BANP: variants seen among roughly 807,000 people sequenced by gnomAD.
The protein encoded by BANP is protein BANP.
A neutral mutation model predicts 68.1 loss-of-function variants in BANP; 11 were observed. The observed-to-expected ratio is 0.16, with a 90% CI of 0.10 to 0.27. BANP has a LOEUF of 0.27. Among genes scored for constraint, BANP ranks in the 10% least tolerant of loss-of-function variants. BANP has a pLI of 1.00. For synonymous variants in BANP, 329 were observed against 303.2 expected (o/e 1.09, Z -0.88); for missense variants, 504 against 722.7 (o/e 0.70, Z 3.47).
chr16:88,004,244 ATGT>A lies in BANP; in HGVS notation c.363-43_363-41del, dbSNP rs1340139650. The A allele has an allele frequency of 2.8e-6, 3 of 1,087,316 alleles. No homozygotes were observed. The highest frequency in any genetic ancestry group is 1.6e-5 in the African/African-American group (1 of 64,038). 67.4% of individuals were successfully genotyped at this position (1,087,316 alleles called of 1,614,324 possible). A position where few individuals can be genotyped will look rare whatever the true frequency, so the allele number is the denominator to read the frequency against. ...TGACTCTTATGTGCTCTTACCATGA[ATGT>A]TGTTGTTTTAAGGCCTTCTTTTTCT... On this transcript the variant is annotated intron_variant, in intron 4 of 13. Coordinates refer to ENST00000682872, the MANE Select transcript of BANP (RefSeq NM_001386991.1). The surrounding 1 kb of genome is among the most constrained non-coding windows in gnomAD (Gnocchi z 7.0).
At chr16:88,028,893 T>C (rs2077529025) in intron 8 of BANP, among the ~76,000 whole-genome samples, 1 of 152,238 alleles carries the variant, frequency 6.6e-6, no homozygotes, top group Non-Finnish European at 1.5e-5. Context: ...GTGTGATCAT[T>C]TTTACAGTGC....
At position 88,027,545 on chromosome 16, in the gene BANP, G is replaced by A; in HGVS notation, c.958G>A (p.Asp320Asn). 2 of 1,613,864 alleles carry A rather than the reference G, an allele frequency of 1.2e-6. No homozygotes were observed. The highest frequency in any genetic ancestry group is 1.7e-6 in the Non-Finnish European group (2 of 1,179,886). Residue 320 changes from aspartate (D) to asparagine (N), a missense_variant, in exon 8 of 14, where the codon GAC becomes AAC. Physicochemically the swap from Asp to Asn is conservative, Grantham distance 23 (BLOSUM62 1). Coordinates refer to ENST00000682872, the MANE Select transcript of BANP (RefSeq NM_001386991.1). ...SDWYRIKQSIDSKCRTAWRRK... is the reference protein window; with the variant it reads ...SDWYRIKQSINSKCRTAWRRK... Reference sequence around the variant, plus strand: ...CTGGTACCGAATCAAGCAGAGCATCGACTCCAAGTGCCGCACGGCGTGGCG... The same window carrying A: ...CTGGTACCGAATCAAGCAGAGCATCAACTCCAAGTGCCGCACGGCGTGGCG...
chr16:87,949,449 T>G (rs7200729), upstream of BANP: 138,057 of 152,238 alleles, frequency 0.91, 62,878 homozygotes, highest in African/African-American at 0.98. Context: ...ATATTCTGTG[T>G]CAGCTATCGC....
intron 13 of BANP, among the ~76,000 whole-genome samples, chr16:88,076,267 A>G (rs965363633): frequency 6.6e-6 from 1 of 152,184 alleles, no homozygotes; most frequent in African/African-American, 2.4e-5. Context: ...CTTCCAGGTT[A>G]CTTCCCAGTG....
chr16:87,956,839 C>T (rs1311718253), intron 1 of BANP: 1 of 152,218 alleles, frequency 6.6e-6, no homozygotes, highest in Non-Finnish European at 1.5e-5. Flanking sequence ...TAGAGAAACA[C>T]TCTCCGCCAC....
intron 1 of BANP, among the ~76,000 whole-genome samples, chr16:87,961,031 C>T (rs564391948): frequency 6.6e-6 from 1 of 152,210 alleles, no homozygotes; most frequent in South Asian, 2.1e-4. Flanking sequence ...ACAACATTTG[C>T]AAGAGCTGCC....
chr16:88,018,839 A>G lies in BANP; in HGVS notation c.895+172A>G, dbSNP rs562197897. Among the ~76,000 whole-genome samples the G allele has an allele frequency of 1.7e-4, 26 of 152,228 alleles. No homozygotes were observed. The highest frequency in any genetic ancestry group is 5.8e-4 in the African/African-American group (24 of 41,538). On this transcript the variant is annotated intron_variant, in intron 7 of 13. Transcript: ENST00000682872. This position sits in a 1 kb window ranked among gnomAD's most constrained non-coding sequence, Gnocchi z 7.7. ...GCTCGAGGGGATGGATGAGCTGTTG[A>G]CCCTGATGTGCTTATTACGCACGGC...
intron 4 of BANP, among the ~76,000 whole-genome samples, chr16:87,998,483 A>G (rs1445004673): frequency 4.6e-5 from 7 of 152,176 alleles, no homozygotes; most frequent in Admixed American, 4.6e-4. Context: ...TGTGCCGTGA[A>G]GGTGCTGCCG....
intron 2 of BANP, among the ~76,000 whole-genome samples, chr16:87,977,928 T>G (rs1256488127): frequency 6.6e-6 from 1 of 152,158 alleles, no homozygotes; most frequent in Non-Finnish European, 1.5e-5. Context: ...CTTTGTCTCC[T>G]GGATTCAAGC....
chr16:88,059,164 G>A (rs1034324397), intron 11 of BANP, among the ~76,000 whole-genome samples: 2 of 143,900 alleles, frequency 1.4e-5, no homozygotes, highest in Admixed American at 1.4e-4. Flanking sequence ...GGTGTGCTGT[G>A]GTCCATGCTC....
chr16:87,950,516 C>T (rs1219672042), upstream of BANP: 1 of 151,970 alleles, frequency 6.6e-6, no homozygotes, highest in African/African-American at 2.4e-5. Context: ...CTCACTGCAA[C>T]CTCTGACTCG....
At chr16:88,045,306 A>G (rs904637720) in intron 11 of BANP, among the ~76,000 whole-genome samples, 1 of 152,176 alleles carries the variant, frequency 6.6e-6, no homozygotes, top group East Asian at 1.9e-4. Context: ...AGATGGCTCG[A>G]TGTTTGCCGC....
At chr16:87,997,972 G>A (rs2067764211) in intron 4 of BANP, among the ~76,000 whole-genome samples, 1 of 152,220 alleles carries the variant, frequency 6.6e-6, no homozygotes, top group Non-Finnish European at 1.5e-5. Flanking sequence ...CAGTGGATGA[G>A]AACATTCTAG....
chr16:88,005,651 C>T lies in BANP; in HGVS notation c.480-439C>T, dbSNP rs560866663. ...CGTGGGCGTACGTGGGAGTGCTGCT[C>T]GCATTGCGAGGGGGAGCCATCTCCA... On this transcript the variant is annotated intron_variant, in intron 5 of 13. Coordinates refer to ENST00000682872, the MANE Select transcript of BANP (RefSeq NM_001386991.1). Among the ~76,000 whole-genome samples the T allele has an allele frequency of 1.1e-4, 16 of 152,282 alleles. No homozygotes were observed. In the South Asian group the frequency reaches 3.1e-3, roughly 30 times the overall value.
chr16:87,966,312 G>T (rs1172031134), intron 1 of BANP, among the ~76,000 whole-genome samples: 1 of 152,128 alleles, frequency 6.6e-6, no homozygotes, highest in Non-Finnish European at 1.5e-5. Flanking sequence ...GACTTGGTAG[G>T]GTTCTGAATA....
chr16:88,065,438 C>A, intron 12 of BANP, 106 bp downstream of exon 12: 1 of 639,854 alleles, frequency 1.6e-6, no homozygotes, highest in South Asian at 1.9e-5. Flanking sequence ...CATCCAGGGT[C>A]ATCTCACCAC....
At chr16:88,027,690 C>T (rs377315567) in intron 8 of BANP, 40 bp downstream of exon 8, 101 of 1,608,884 alleles carry the variant, frequency 6.3e-5, no homozygotes, top group Non-Finnish European at 7.8e-5. Flanking sequence ...CTCCCCCGCT[C>T]GGGGCAGCTG....
At position 88,004,949 on chromosome 16, in the gene BANP, CA is replaced by C. The variant is rs1209201479; in HGVS notation, c.479+540del. Among the ~76,000 whole-genome samples the C allele has an allele frequency of 1.4e-4, 21 of 152,216 alleles. No individual in the cohort carries two copies. The highest frequency in any genetic ancestry group is 5.1e-4 in the African/African-American group (21 of 41,448). On this transcript the variant is annotated intron_variant, in intron 5 of 13. Transcript: ENST00000682872. The surrounding 1 kb of genome is among the most constrained non-coding windows in gnomAD (Gnocchi z 7.0). ...TGTGCAGTGGCCTCTGGCTGGCATC[CA>C]AGCCCTGCTGTCCCCAGGAGTGCCC...
Position 88,018,385 on chromosome 16 carries a change from A to C in BANP, c.656-43A>C, listed in dbSNP as rs775825045. The C allele has an allele frequency of 6.3e-7, 1 of 1,586,220 alleles. No individual in the cohort carries two copies. Among genetic ancestry groups the C allele is most frequent in the Non-Finnish European group, 8.6e-7 (1 of 1,164,936 alleles). On this transcript the variant is annotated intron_variant, in intron 6 of 13. Coordinates refer to ENST00000682872, the MANE Select transcript of BANP (RefSeq NM_001386991.1). This position sits in a 1 kb window ranked among gnomAD's most constrained non-coding sequence, Gnocchi z 7.7. Reference sequence around the variant, plus strand: ...GCTCTGCTGTCCTGAATGTGAGCTTATTTGAGCCTTGGCCATCTGAGGACC... The same window carrying C: ...GCTCTGCTGTCCTGAATGTGAGCTTCTTTGAGCCTTGGCCATCTGAGGACC...
Sources: gnomAD v4.1 joint callset for allele counts (sites outside exome capture counted in the v4.1 genomes callset) on GRCh38, gnomAD v4.1.1 for gene constraint, Gnocchi (gnomAD v3.1) non-coding constraint, MANE v1.5 for transcripts, NCBI Gene and HGNC (gene_info 2026-07-23, HGNC 2026-07-21) for gene names.